DIAPH3: variants seen among roughly 807,000 people sequenced by gnomAD.
DIAPH3 encodes the protein protein diaphanous homolog 3.
In DIAPH3, 117 loss-of-function variants were observed where a neutral mutation model predicts 144.3. The observed-to-expected ratio is 0.81, with a 90% CI of 0.70 to 0.95. DIAPH3 has a LOEUF of 0.95. Among genes scored for constraint, DIAPH3 ranks in the 40% least tolerant of loss-of-function variants. DIAPH3 has a pLI of 0.00. For missense variants in DIAPH3, 1,421 were observed against 1,412.7 expected, an observed-to-expected ratio of 1.01 and a Z score of -0.09; for synonymous variants, 519 against 488.9, an observed-to-expected ratio of 1.06 and a Z score of -0.81.
intron 27 of DIAPH3, among the ~76,000 whole-genome samples, chr13:59,706,307 G>C (rs1229975100): frequency 6.6e-6 from 1 of 152,036 alleles, no homozygotes. Context: ...GGATACAGAC[G>C]GTCAACTGCA....
chr13:59,974,534 C>T (rs1594185016), intron 14 of DIAPH3, 78 bp from the exon 15 acceptor site: 5 of 1,188,480 alleles, frequency 4.2e-6, no homozygotes, highest in East Asian at 2.4e-5. Context: ...AAATGTGACT[C>T]GAATGATCTG....
At chr13:59,722,946 T>C (rs986481175) in intron 27 of DIAPH3, among the ~76,000 whole-genome samples, 1 of 152,162 alleles carries the variant, frequency 6.6e-6, no homozygotes, top group Admixed American at 6.5e-5. Flanking sequence ...TTAAACTGGA[T>C]TCTAGTCTCT....
In DIAPH3 at chr13:59,712,660, T is replaced by C. The variant is rs141769016; in HGVS notation, c.3320-45814A>G. Among the ~76,000 whole-genome samples, 566 of 152,240 alleles carry C rather than the reference T, an allele frequency of 3.7e-3. 3 individuals are homozygous for C. Among genetic ancestry groups the C allele is most frequent in the South Asian group, 0.031 (147 of 4,818 alleles). On this transcript the variant is annotated intron_variant, in intron 27 of 27. Coordinates refer to ENST00000400324, the MANE Select transcript of DIAPH3 (RefSeq NM_001042517.2). ...CTTTGGGGGAGGCTCACCTTCAGAG[T>C]AGGTTGATCTTCCTGTTATTGACTT...
chr13:59,779,816 G>A (rs936201781), intron 25 of DIAPH3, among the ~76,000 whole-genome samples: 5 of 151,958 alleles, frequency 3.3e-5, no homozygotes, highest in Non-Finnish European at 7.4e-5. Context: ...GCACGGCCGA[G>A]GGAAGTCTTT....
intron 4 of DIAPH3, among the ~76,000 whole-genome samples, chr13:60,081,894 CAATGTCCCATGA>C (rs2057570628): frequency 6.6e-6 from 1 of 151,990 alleles, no homozygotes; most frequent in Non-Finnish European, 1.5e-5. Flanking sequence ...CTGGAGCACT[CAATGTCCCATGA>C]GTTGCCAGAG....
intron 12 of DIAPH3, 134 bp downstream of exon 12, chr13:59,991,024 A>C: frequency 1.6e-6 from 1 of 624,168 alleles, no homozygotes; most frequent in South Asian, 2.0e-5. Context: ...CCCAGAGAAA[A>C]CAACACATTC....
At chr13:59,955,577 G>A (rs568284076) in intron 17 of DIAPH3, among the ~76,000 whole-genome samples, 3 of 152,242 alleles carry the variant, frequency 2.0e-5, no homozygotes, top group East Asian at 1.9e-4. Flanking sequence ...CAGAGTGGGC[G>A]CTGCTGTAAA....
chr13:59,861,110 C>A (rs1176532577), intron 22 of DIAPH3: 1 of 849,314 alleles, frequency 1.2e-6, no homozygotes, highest in Admixed American at 3.2e-5. Flanking sequence ...TCACCCTGGC[C>A]AAAAAGTGCA....
intron 18 of DIAPH3, among the ~76,000 whole-genome samples, chr13:59,921,522 T>G (rs2047519315): frequency 6.6e-6 from 1 of 151,842 alleles, no homozygotes; most frequent in Non-Finnish European, 1.5e-5. Context: ...CTTACCAAGA[T>G]TGAATTATAA....
chr13:59,714,349 G>A (rs1168900970), intron 27 of DIAPH3, among the ~76,000 whole-genome samples: 1 of 109,034 alleles, frequency 9.2e-6, no homozygotes, highest in Non-Finnish European at 1.9e-5. Context: ...GACAGAGCGA[G>A]ACTCCGTCTC....
chr13:59,831,735 A>G (rs928645615), intron 24 of DIAPH3, among the ~76,000 whole-genome samples: 7 of 151,798 alleles, frequency 4.6e-5, no homozygotes, highest in Non-Finnish European at 1.0e-4. Context: ...CAGGCAGGAT[A>G]TTTCTAGGTC....
At chr13:59,790,303 A>T (rs748542661) in intron 25 of DIAPH3, among the ~76,000 whole-genome samples, 10 of 152,138 alleles carry the variant, frequency 6.6e-5, no homozygotes, top group Non-Finnish European at 1.2e-4. Flanking sequence ...ATTTCTGAAG[A>T]TATGTTTTAT....
At chr13:59,791,028 A>G (rs1030215134) in intron 25 of DIAPH3, among the ~76,000 whole-genome samples, 26 of 152,294 alleles carry the variant, frequency 1.7e-4, no homozygotes, top group Middle Eastern at 3.4e-3. Flanking sequence ...TGGAGAGTGC[A>G]GTGGCACAAT....
intron 17 of DIAPH3, among the ~76,000 whole-genome samples, chr13:59,928,050 T>C (rs2047838802): frequency 6.6e-6 from 1 of 152,166 alleles, no homozygotes; most frequent in East Asian, 1.9e-4. Flanking sequence ...TTATCCCACA[T>C]GTCACGCAGA....
intron 4 of DIAPH3, among the ~76,000 whole-genome samples, chr13:60,045,934 CAA>C (rs1167451512): frequency 6.6e-6 from 1 of 152,198 alleles, no homozygotes; most frequent in African/African-American, 2.4e-5. Flanking sequence ...CCCTGTCTCA[CAA>C]AGACAATAAT....
At chr13:59,773,675 T>A (rs1020857187) in intron 27 of DIAPH3, among the ~76,000 whole-genome samples, 5 of 152,186 alleles carry the variant, frequency 3.3e-5, no homozygotes, top group Admixed American at 3.3e-4. Flanking sequence ...TAGATAAATA[T>A]CAGAGACTAA....
chr13:59,763,588 G>A (rs7987829), intron 27 of DIAPH3, among the ~76,000 whole-genome samples: 6,448 of 152,168 alleles, frequency 0.042, 159 homozygotes, highest in African/African-American at 0.05. Context: ...CAAGGCTGAC[G>A]TGGATGGATG....
intron 15 of DIAPH3, among the ~76,000 whole-genome samples, chr13:59,973,368 T>C (rs2050494476): frequency 6.6e-6 from 1 of 151,770 alleles, no homozygotes; most frequent in African/African-American, 2.4e-5. Context: ...CAGTCTGAAG[T>C]ACAGACACAA....
intron 27 of DIAPH3, among the ~76,000 whole-genome samples, chr13:59,745,088 C>T (rs2036636940): frequency 6.6e-6 from 1 of 152,092 alleles, no homozygotes; most frequent in South Asian, 2.1e-4. Context: ...CTTTAGCCTG[C>T]TAGAAAGGAA....
Sources: allele counts gnomAD v4.1 joint callset (sites outside exome capture counted in the v4.1 genomes callset), GRCh38; gene constraint gnomAD v4.1.1; transcripts MANE v1.5; gene names NCBI Gene and HGNC (gene_info 2026-07-23, HGNC 2026-07-21).